The following PTPRD variants were observed in gnomAD, a reference collection of about 807,000 sequenced individuals.
PTPRD encodes the protein protein tyrosine phosphatase receptor type D, also known as receptor-type tyrosine-protein phosphatase delta.
A neutral mutation model predicts 214.5 loss-of-function variants in PTPRD; 34 were observed. The observed-to-expected ratio is 0.16, with a 90% CI of 0.12 to 0.21. The LOEUF is 0.21. Among genes scored for constraint, PTPRD ranks in the 10% least tolerant of loss-of-function variants. The pLI is 1.00. For synonymous variants in PTPRD, 1,128 were observed against 845.7 expected (o/e 1.33, Z -5.79); for missense variants, 2,545 against 2,398.7 (o/e 1.06, Z -1.27).
chr9:10,364,539 C>T lies in PTPRD; in HGVS notation c.-599-23522G>A, dbSNP rs527817054. The stretch of plus-strand genomic sequence containing the variant: ...AACTGCTGTACTCCAGGCTGCTTCT[C>T]TTTATGCATTTCTTAGAAAAATATA... On this transcript the variant is annotated intron_variant, in intron 2 of 45. Coordinates refer to ENST00000381196, the MANE Select transcript of PTPRD (RefSeq NM_002839.4). Among the ~76,000 whole-genome samples the T allele has an allele frequency of 3.9e-5, 6 of 152,292 alleles. No individual in the cohort carries two copies. The East Asian group carries it at 1.2e-3, about 29-fold the overall frequency.
chr9:10,546,751 T>A (rs1459213943), intron 2 of PTPRD, among the ~76,000 whole-genome samples: 3 of 152,038 alleles, frequency 2.0e-5, no homozygotes, highest in Admixed American at 6.6e-5. Context: ...TAGCAACATA[T>A]AAAAGTATAG....
intron 2 of PTPRD, among the ~76,000 whole-genome samples, chr9:10,534,658 A>G (rs780131445): frequency 1.6e-4 from 25 of 152,156 alleles, no homozygotes; most frequent in Non-Finnish European, 2.6e-4. Flanking sequence ...GTTGGCAGAC[A>G]CAAGTCATGC....
chr9:9,185,178 T>C (rs533653341), intron 9 of PTPRD, among the ~76,000 whole-genome samples: 24 of 152,124 alleles, frequency 1.6e-4, no homozygotes, highest in Non-Finnish European at 3.4e-4. Flanking sequence ...TGAAAGGTAA[T>C]TTTCTTTCCT....
chr9:9,118,752 A>G (rs2099814691), intron 10 of PTPRD, among the ~76,000 whole-genome samples: 1 of 152,182 alleles, frequency 6.6e-6, no homozygotes, highest in African/African-American at 2.4e-5. Flanking sequence ...AGCTCAATAT[A>G]CCCTGCCCTT....
At chr9:8,513,587 T>A (rs1439149411) in intron 21 of PTPRD, among the ~76,000 whole-genome samples, 2 of 152,120 alleles carry the variant, frequency 1.3e-5, no homozygotes, top group Non-Finnish European at 2.9e-5. Context: ...TATTGATCAG[T>A]AAATTTTTAT....
intron 3 of PTPRD, among the ~76,000 whole-genome samples, chr9:10,134,187 C>T (rs1264477051): frequency 6.6e-6 from 1 of 152,138 alleles, no homozygotes. Flanking sequence ...CCAACTCTGA[C>T]TCTGCCAAGC....
At chr9:10,576,248 A>G (rs771066008) in intron 2 of PTPRD, among the ~76,000 whole-genome samples, 8 of 152,268 alleles carry the variant, frequency 5.3e-5, no homozygotes, top group Non-Finnish European at 1.2e-4. Flanking sequence ...ATATCTTATA[A>G]GAATTTTCAG....
intron 11 of PTPRD, among the ~76,000 whole-genome samples, chr9:8,757,621 C>CATATATATATATATATATATAT (rs140684940): frequency 7.0e-6 from 1 of 143,380 alleles, no homozygotes; most frequent in Non-Finnish European, 1.5e-5. Context: ...ATAAATTCTG[C>CATATATATATATATATATATAT]ATATATATAT....
chr9:10,049,844 C>T (rs1400456055), intron 3 of PTPRD, among the ~76,000 whole-genome samples: 1 of 152,114 alleles, frequency 6.6e-6, no homozygotes, highest in Non-Finnish European at 1.5e-5. Context: ...AATAGCAAAA[C>T]ATTTACACCT....
intron 36 of PTPRD, among the ~76,000 whole-genome samples, chr9:8,392,423 G>T (rs2089915754): frequency 6.6e-6 from 1 of 152,086 alleles, no homozygotes; most frequent in East Asian, 1.9e-4. Context: ...CTACCTGGGA[G>T]CCTGAGGTAG....
chr9:10,095,944 G>A (rs370605191), intron 3 of PTPRD, among the ~76,000 whole-genome samples: 5 of 151,602 alleles, frequency 3.3e-5, no homozygotes, highest in African/African-American at 9.7e-5. Context: ...AATCTCTCAT[G>A]CTTAGGTGTT....
intron 22 of PTPRD, among the ~76,000 whole-genome samples, chr9:8,505,538 C>T (rs1027572552): frequency 4.1e-5 from 6 of 145,760 alleles, no homozygotes; most frequent in African/African-American, 1.3e-4. Context: ...AGGAGGATGG[C>T]GTGAACCCAG....
At chr9:8,928,169 G>C (rs575489327) in intron 11 of PTPRD, among the ~76,000 whole-genome samples, 27 of 152,242 alleles carry the variant, frequency 1.8e-4, no homozygotes, top group African/African-American at 6.3e-4. Flanking sequence ...TTACTCTGAC[G>C]ATAGTTTCTT....
intron 4 of PTPRD, among the ~76,000 whole-genome samples, chr9:9,961,231 C>T (rs1356820082): frequency 6.6e-6 from 1 of 152,068 alleles, no homozygotes; most frequent in African/African-American, 2.4e-5. Context: ...ATAAGGATTA[C>T]TATATGTATC....
chr9:9,618,904 G>C (rs576681373), intron 7 of PTPRD, among the ~76,000 whole-genome samples: 7 of 151,564 alleles, frequency 4.6e-5, no homozygotes, highest in Non-Finnish European at 1.0e-4. Flanking sequence ...CGCAAACAAA[G>C]GAAAAAAAAC....
intron 5 of PTPRD, among the ~76,000 whole-genome samples, chr9:9,897,402 TG>T (rs1407548368): frequency 1.3e-5 from 2 of 152,076 alleles, no homozygotes; most frequent in Non-Finnish European, 2.9e-5. Flanking sequence ...TTAGGATTTT[TG>T]TAAGTAAAAA....
chr9:9,796,305 T>C (rs2099002102), intron 5 of PTPRD, among the ~76,000 whole-genome samples: 1 of 152,176 alleles, frequency 6.6e-6, no homozygotes, highest in African/African-American at 2.4e-5. Flanking sequence ...TAAAATTCCA[T>C]GGTGCCTATC....
chr9:9,675,503 G>T (rs913875050), intron 7 of PTPRD, among the ~76,000 whole-genome samples: 1 of 151,430 alleles, frequency 6.6e-6, no homozygotes, highest in African/African-American at 2.4e-5. Flanking sequence ...AAATAAAAAG[G>T]TCAGATTTTA....
chr9:8,888,823 T>C (rs2098513203), intron 11 of PTPRD, among the ~76,000 whole-genome samples: 1 of 152,130 alleles, frequency 6.6e-6, no homozygotes, highest in Admixed American at 6.6e-5. Flanking sequence ...GAACACAGAC[T>C]TTGGAGTCCA....
Sources: gnomAD v4.1 joint callset for allele counts (sites outside exome capture counted in the v4.1 genomes callset) on GRCh38, gnomAD v4.1.1 for gene constraint, MANE v1.5 for transcripts, NCBI Gene and HGNC (gene_info 2026-07-23, HGNC 2026-07-21) for gene names.